The following DAB1 variants were observed in gnomAD, a reference collection of about 807,000 sequenced individuals.
DAB1 encodes DAB adaptor protein 1, also known as disabled homolog 1.
DAB1 carries 15 observed loss-of-function variants against 64.6 expected under a neutral mutation model. The ratio of observed to expected loss-of-function variants is 0.23; its 90% CI spans 0.16 to 0.36. The LOEUF is 0.36. Among genes scored for constraint, DAB1 ranks in the 10% least tolerant of loss-of-function variants. The probability of loss-of-function intolerance (pLI) is 1.00; values close to 1 mark genes in which losing one functional copy is unlikely to be tolerated. For synonymous variants in DAB1, 235 were observed against 251.9 expected (o/e 0.93, Z 0.64); for missense variants, 596 against 706.7 (o/e 0.84, Z 1.78).
At chr1:57,694,024 T>C (rs1213020456) in intron 6 of DAB1, among the ~76,000 whole-genome samples, 1 of 152,158 alleles carries the variant, frequency 6.6e-6, no homozygotes. Flanking sequence ...TACTCAAAAA[T>C]TTTTGCCCAG....
At chr1:58,310,110 T>TACAC (rs1283200719) in intron 4 of DAB1, among the ~76,000 whole-genome samples, 1 of 152,104 alleles carries the variant, frequency 6.6e-6, no homozygotes, top group Non-Finnish European at 1.5e-5. Context: ...TGCTCACACA[T>TACAC]ACACACACAT....
At position 58,085,439 on chromosome 1, in the gene DAB1, C is replaced by T. The variant is rs192772090; in HGVS notation, n.387+65072G>A. Among the ~76,000 whole-genome samples the T allele has an allele frequency of 1.1e-3, 167 of 152,216 alleles. 1 individual carries two copies. The highest frequency in any genetic ancestry group is 2.1e-3 in the Admixed American group (32 of 15,286). On this transcript the variant is annotated intron_variant and non_coding_transcript_variant, in intron 5 of 20. Transcript: ENST00000485760. The stretch of plus-strand genomic sequence containing the variant: ...CTGGAGTGCAGTGGCATGATCATAG[C>T]TCATTGCAGCCTCAACCTCCTGGGC...
intron 5 of DAB1, among the ~76,000 whole-genome samples, chr1:57,890,059 T>C (rs1054725578): frequency 2.0e-5 from 3 of 151,988 alleles, no homozygotes; most frequent in African/African-American, 7.3e-5. Context: ...AGAGTGGCAA[T>C]GGAGCCCACG....
At chr1:58,050,607 G>A (rs919676325) in intron 5 of DAB1, among the ~76,000 whole-genome samples, 2 of 152,104 alleles carry the variant, frequency 1.3e-5, no homozygotes, top group Admixed American at 1.3e-4. Flanking sequence ...TCGGCTCACT[G>A]CAAGCTCCAC....
chr1:57,011,528 G>C (rs1646266598), intron 12 of DAB1, among the ~76,000 whole-genome samples: 1 of 152,218 alleles, frequency 6.6e-6, no homozygotes, highest in Non-Finnish European at 1.5e-5. Flanking sequence ...CCTTGGACAA[G>C]CAGCAGCAGT....
At chr1:58,075,340 G>A (rs1393416425) in intron 5 of DAB1, among the ~76,000 whole-genome samples, 5 of 152,168 alleles carry the variant, frequency 3.3e-5, no homozygotes, top group Non-Finnish European at 5.9e-5. Context: ...AGATAAGTGT[G>A]GTCATGTGAC....
At chr1:57,934,129 G>A (rs1239440875) in intron 5 of DAB1, among the ~76,000 whole-genome samples, 1 of 149,042 alleles carries the variant, frequency 6.7e-6, no homozygotes, top group Non-Finnish European at 1.5e-5. Context: ...GTTTCACCAT[G>A]TTGGTCAGGC....
At chr1:57,652,173 AC>A (rs1370707577) in intron 6 of DAB1, among the ~76,000 whole-genome samples, 6 of 152,176 alleles carry the variant, frequency 3.9e-5, no homozygotes, top group Non-Finnish European at 5.9e-5. Flanking sequence ...AGATAACATC[AC>A]TATTGCAGAA....
chr1:58,291,879 A>G (rs1661849672), intron 4 of DAB1, among the ~76,000 whole-genome samples: 1 of 152,212 alleles, frequency 6.6e-6, no homozygotes. Flanking sequence ...ACTGTACCAC[A>G]GAGTACCCAG....
chr1:58,018,605 A>G (rs1925419), intron 5 of DAB1, among the ~76,000 whole-genome samples: 16,555 of 152,244 alleles, frequency 0.11, 1,059 homozygotes, highest in East Asian at 0.2. Flanking sequence ...TGGCAAGAAA[A>G]GGGTTGGGGA....
At chr1:57,081,795 C>A (rs3768186) in intron 4 of DAB1, among the ~76,000 whole-genome samples, 1 of 151,550 alleles carries the variant, frequency 6.6e-6, no homozygotes, top group Admixed American at 6.6e-5. Flanking sequence ...ATTGTAAGTA[C>A]TAATTAATAT....
At chr1:57,604,295 C>T (rs148241544) in intron 7 of DAB1, among the ~76,000 whole-genome samples, 1 of 152,056 alleles carries the variant, frequency 6.6e-6, no homozygotes, top group Non-Finnish European at 1.5e-5. Flanking sequence ...AATAAGTTAT[C>T]TGTGCTGCTG....
intron 3 of DAB1, among the ~76,000 whole-genome samples, chr1:58,433,782 G>C (rs1171255650): frequency 6.6e-6 from 1 of 152,118 alleles, no homozygotes; most frequent in African/African-American, 2.4e-5. Context: ...TATGAGGGCA[G>C]AGCACTCATG....
In DAB1 at chr1:58,012,953, A is replaced by G. The variant is rs370158207; in HGVS notation, n.388-128791T>C. Among the ~76,000 whole-genome samples the G allele has an allele frequency of 1.3e-3, 193 of 152,284 alleles. 1 individual carries two copies. The highest frequency in any genetic ancestry group is 4.4e-3 in the African/African-American group (183 of 41,566). On this transcript the variant is annotated intron_variant and non_coding_transcript_variant, in intron 5 of 20. Coordinates refer to the DAB1 transcript ENST00000485760. ...GCAGAGGTGTATATCATCACTGGCC[A>G]TTTAGTCAATATAACTTATGAGCCT...
intron 6 of DAB1, among the ~76,000 whole-genome samples, chr1:57,803,188 A>G (rs1019065056): frequency 6.6e-6 from 1 of 152,238 alleles, no homozygotes; most frequent in Admixed American, 6.5e-5. Context: ...AAAGAAGGAA[A>G]AATTTACAAG....
chr1:57,768,511 T>A (rs989139580), intron 6 of DAB1, among the ~76,000 whole-genome samples: 11 of 150,844 alleles, frequency 7.3e-5, no homozygotes, highest in African/African-American at 2.2e-4. Flanking sequence ...ATATACCACA[T>A]AGTCACATAT....
chr1:57,546,455 C>T (rs114528144), intron 7 of DAB1, among the ~76,000 whole-genome samples: 526 of 152,308 alleles, frequency 3.5e-3, no homozygotes, highest in South Asian at 9.1e-3. Context: ...CCATTTGAAT[C>T]CCAGCTCAAC....
At chr1:57,400,285 G>C (rs1442936285) in intron 1 of DAB1, among the ~76,000 whole-genome samples, 1 of 151,420 alleles carries the variant, frequency 6.6e-6, no homozygotes, top group South Asian at 2.1e-4. Context: ...GAGTTGGAGA[G>C]AAAGAAAAAA....
chr1:57,145,150 G>GA, intron 3 of DAB1, 140 bp downstream of exon 3: 1 of 815,898 alleles, frequency 1.2e-6, no homozygotes. Context: ...TCTTCCGAAT[G>GA]AAAAAATATG....
Sources: allele counts gnomAD v4.1 joint callset (sites outside exome capture counted in the v4.1 genomes callset), GRCh38; gene constraint gnomAD v4.1.1; transcripts MANE v1.5; gene names NCBI Gene and HGNC (gene_info 2026-07-23, HGNC 2026-07-21).